Variants in SEMA4D observed in about 807,000 individuals in gnomAD.
SEMA4D encodes semaphorin 4D.
Under a neutral mutation model 74.8 loss-of-function variants are expected in SEMA4D, and 22 were observed. The observed-to-expected ratio is 0.29, with a 90% CI of 0.21 to 0.42. SEMA4D has a LOEUF of 0.42. Among genes scored for constraint, SEMA4D ranks in the 10% least tolerant of loss-of-function variants. The probability of loss-of-function intolerance (pLI) is 1.00; values close to 1 mark genes in which losing one functional copy is unlikely to be tolerated. For missense variants in SEMA4D, 937 were observed against 1,118.4 expected (o/e 0.84, Z 2.31); for synonymous variants, 445 against 463.7 (o/e 0.96, Z 0.52).
chr9:89,489,313 C>T (rs1825445551), intron 1 of SEMA4D, among the ~76,000 whole-genome samples: 2 of 152,298 alleles, frequency 1.3e-5, no homozygotes, highest in East Asian at 3.9e-4. Flanking sequence ...CTAAGATTTG[C>T]CCACGAATGC....
chr9:89,376,136 T>A (rs952215676), downstream of SEMA4D, among the ~76,000 whole-genome samples: 6 of 152,236 alleles, frequency 3.9e-5, no homozygotes, highest in Admixed American at 2.0e-4. Flanking sequence ...TTTCCGCTTT[T>A]AAATACCACG....
rs556816080 is a variant in SEMA4D at position 89,431,964 on chromosome 9, C to T, written c.-244+23924G>A. Reference sequence around the variant, plus strand: ...CGAGCTCTGGTTCATCTATGCTATCCTCATCTCTCTGTGTCCATACCTCAG... The same window carrying T: ...CGAGCTCTGGTTCATCTATGCTATCTTCATCTCTCTGTGTCCATACCTCAG... On this transcript the variant is annotated intron_variant, in intron 2 of 15. Transcript: ENST00000422704. Among the ~76,000 whole-genome samples, 3 of 152,338 alleles carry T rather than the reference C, an allele frequency of 2.0e-5. No homozygotes were observed. The East Asian group carries it at 5.8e-4, about 29-fold the overall frequency.
At chr9:89,389,211 C>T (rs1369546260) in intron 9 of SEMA4D, among the ~76,000 whole-genome samples, 164 bp from the exon 10 acceptor site, 16 of 152,156 alleles carry the variant, frequency 1.1e-4, no homozygotes, top group Non-Finnish European at 1.9e-4. Flanking sequence ...GTGAGTGGCC[C>T]GCAGCACCAC....
chr9:89,471,374 C>T (rs1175481936), intron 1 of SEMA4D, among the ~76,000 whole-genome samples: 1 of 152,128 alleles, frequency 6.6e-6, no homozygotes, highest in African/African-American at 2.4e-5. Flanking sequence ...GTTTATTTTA[C>T]CACAATTGTA....
intron 15 of SEMA4D, 96 bp from the exon 16 acceptor site, chr9:89,379,725 C>T: frequency 7.3e-7 from 1 of 1,366,744 alleles, no homozygotes; most frequent in East Asian, 2.3e-5. Flanking sequence ...AAGAGTTTCA[C>T]CCACTGTAGC....
chr9:89,486,487 C>T (rs961015462), intron 1 of SEMA4D, among the ~76,000 whole-genome samples: 5 of 152,132 alleles, frequency 3.3e-5, no homozygotes, highest in South Asian at 2.1e-4. Flanking sequence ...AAAGATTTCA[C>T]TGTATATAAA....
chr9:89,393,532 C>T lies in SEMA4D; in HGVS notation c.508+30G>A, dbSNP rs73484044. On this transcript the variant is annotated intron_variant, in intron 7 of 15. Coordinates refer to ENST00000422704, the MANE Select transcript of SEMA4D (RefSeq NM_001371194.2). ...AATTAACATGCCACTGTAATCTTCA[C>T]GGTGAAGGAACTGGAGGGGCAGGAC... 5,001 of 1,550,574 alleles carry T rather than the reference C, an allele frequency of 3.2e-3. 144 individuals carry two copies. The African/African-American group carries it at 0.057, about 18-fold the overall frequency.
chr9:89,402,821 T>C, intron 4 of SEMA4D, 50 bp downstream of exon 4: 7 of 1,583,620 alleles, frequency 4.4e-6, no homozygotes, highest in Non-Finnish European at 6.1e-6. Flanking sequence ...CAGGAGAGGC[T>C]GCCCACTCAA....
At chr9:89,370,277 CAT>C (rs1034421964) in intron 16 of SEMA4D, among the ~76,000 whole-genome samples, 2 of 149,326 alleles carry the variant, frequency 1.3e-5, no homozygotes, top group African/African-American at 5.0e-5. Context: ...GTGTGGTGGA[CAT>C]GATTGTGTTT....
intron 2 of SEMA4D, among the ~76,000 whole-genome samples, chr9:89,442,593 A>G (rs1471191637): frequency 6.6e-6 from 1 of 152,190 alleles, no homozygotes; most frequent in African/African-American, 2.4e-5. Context: ...ACTTGCTAGA[A>G]ACACAGAGTT....
intron 16 of SEMA4D, chr9:89,364,560 C>G (rs974312448): frequency 3.7e-5 from 6 of 161,870 alleles, no homozygotes; most frequent in African/African-American, 1.4e-4. Flanking sequence ...CCGAGTGCAG[C>G]ACATCCAGGA....
chr9:89,362,689 T>C (rs565062483), intron 18 of SEMA4D, among the ~76,000 whole-genome samples: 51 of 152,362 alleles, frequency 3.3e-4, no homozygotes. Context: ...GGAGCCTGTG[T>C]GTGCTGAAGT....
At chr9:89,450,677 A>AAAAAAAAAAAAAAAAAAAAG in intron 2 of SEMA4D, 2 of 821,616 alleles carry the variant, frequency 2.4e-6, no homozygotes, top group Non-Finnish European at 3.8e-6. Context: ...AAAAAAAAAA[A>AAAAAAAAAAAAAAAAAAAAG]AAAAAAAAAA....
chr9:89,364,223 CTTTCTTGCAGCGCTGTGCTGGT>C, intron 16 of SEMA4D: 2 of 578,018 alleles, frequency 3.5e-6, no homozygotes, highest in Non-Finnish European at 5.9e-6. Flanking sequence ...CTAGGACCCC[CTTTCTTGCAGCGCTGTGCTGGT>C]TTCTTACAGA....
chr9:89,401,088 T>C (rs1371552048), intron 4 of SEMA4D, among the ~76,000 whole-genome samples: 1 of 152,158 alleles, frequency 6.6e-6, no homozygotes, highest in African/African-American at 2.4e-5. Context: ...AGGGTCTCGC[T>C]CTGTTGCCCA....
intron 4 of SEMA4D, 130 bp downstream of exon 4, chr9:89,402,741 A>G (rs1202385877): frequency 1.0e-6 from 1 of 952,518 alleles, no homozygotes; most frequent in African/African-American, 1.6e-5. Context: ...ACACCCAAAG[A>G]TGGGGCTGCA....
In SEMA4D at chr9:89,484,988, T is replaced by TTG. The variant is rs111818272; in HGVS notation, c.-310+12929_-310+12930dup. Among the ~76,000 whole-genome samples the TTG allele has an allele frequency of 0.27, 40,133 of 149,680 alleles. 6,077 individuals are homozygous for TTG. Among genetic ancestry groups the TTG allele is most frequent in the Non-Finnish European group, 0.36 (24,287 of 67,264 alleles). Reference sequence around the variant, plus strand: ...GGTGGAGGCATATGTGTGTAGTATGTTGTGTGTGTGTGTGTGTGTGTGTTC... The same window carrying TTG: ...GGTGGAGGCATATGTGTGTAGTATGTTGTGTGTGTGTGTGTGTGTGTGTGTTC... On this transcript the variant is annotated intron_variant, in intron 1 of 15. Transcript: ENST00000422704. The surrounding 1 kb of genome is among the most constrained non-coding windows in gnomAD (Gnocchi z 4.1).
At chr9:89,374,333 TTC>T (rs1835504539), downstream of SEMA4D, among the ~76,000 whole-genome samples, 2 of 152,180 alleles carry the variant, frequency 1.3e-5, no homozygotes, top group African/African-American at 2.4e-5. Flanking sequence ...ACCGCCAGCT[TTC>T]TGTTAGGTCT....
intron 2 of SEMA4D, among the ~76,000 whole-genome samples, chr9:89,409,591 G>C (rs1162266414): frequency 2.0e-5 from 3 of 152,132 alleles, no homozygotes; most frequent in African/African-American, 7.2e-5. Flanking sequence ...ATTAAAATCA[G>C]TAACAACAAG....
Sources: gnomAD v4.1 joint callset for allele counts (sites outside exome capture counted in the v4.1 genomes callset) on GRCh38, gnomAD v4.1.1 for gene constraint, Gnocchi (gnomAD v3.1) non-coding constraint, MANE v1.5 for transcripts, NCBI Gene and HGNC (gene_info 2026-07-23, HGNC 2026-07-21) for gene names.